VWA1: variants seen among roughly 807,000 people sequenced by gnomAD.
VWA1 encodes the protein von Willebrand factor A domain containing 1.
In VWA1, 12 loss-of-function variants were observed where a neutral mutation model predicts 14.9. The observed-to-expected ratio is 0.80, with a 90% CI of 0.52 to 1.30. The LOEUF is 1.30. Ranked by LOEUF, VWA1 falls within the 50% of genes most tolerant of loss-of-function variation. The pLI is 0.00. For synonymous variants in VWA1, 368 were observed against 310.7 expected (o/e 1.18, Z -1.94); for missense variants, 800 against 649.1 (o/e 1.23, Z -2.53).
Position 1,437,345 on chromosome 1 carries a change from C to T in VWA1, c.492C>T (p.Thr164=), listed in dbSNP as rs539551326. ...PMQELKDLGV[T]VFIVSTGRGN... ...AGGAGCTCAAGGACCTGGGCGTCAC[C>T]GTGTTCATTGTCAGCACCGGCCGAG... Residue 164 remains threonine, a synonymous_variant, in exon 2 of 3, where the codon ACC becomes ACT. Coordinates refer to ENST00000476993, the MANE Select transcript of VWA1 (RefSeq NM_022834.5). 85 of 1,612,636 alleles carry T rather than the reference C, an allele frequency of 5.3e-5. No homozygotes were observed. Among genetic ancestry groups the T allele is most frequent in the South Asian group, 8.8e-5 (8 of 91,018 alleles).
chr1:1,439,921 C>T lies in VWA1; in HGVS notation c.*134C>T, dbSNP rs530350753. The T allele has an allele frequency of 2.0e-6, 2 of 987,722 alleles. No individual in the cohort carries two copies. The highest frequency in any genetic ancestry group is 2.4e-6 in the Non-Finnish European group (2 of 821,692). The allele number at this position is 987,722 out of a possible 1,614,324, so 61.2% of individuals were successfully genotyped here. On this transcript the variant is annotated 3_prime_UTR_variant, in exon 3 of 3. Coordinates refer to ENST00000476993, the MANE Select transcript of VWA1 (RefSeq NM_022834.5). ...TCCCCACGCGGACTCCGCGCGACCC[C>T]GGCCCTCTCCCTGCGGCCGCAGGGC...
chr1:1,442,510 G>A lies in VWA1; in HGVS notation c.*2723G>A, dbSNP rs1177957731. On this transcript the variant is annotated 3_prime_UTR_variant, in exon 3 of 3. Transcript: ENST00000476993. ...CAGTTTCCACCCTCTCTGTGAGCAG[G>A]GCTGCGGTCACCTCCCACATCTGAA... 2 of 152,360 alleles carry A rather than the reference G, an allele frequency of 1.3e-5. No individual in the cohort carries two copies. Among genetic ancestry groups the A allele is most frequent in the Non-Finnish European group, 2.9e-5 (2 of 68,136 alleles). 9.4% of individuals were successfully genotyped at this position (152,360 alleles called of 1,614,324 possible).
chr1:1,436,361 A>G (rs888576758), intron 1 of VWA1, among the ~76,000 whole-genome samples: 27 of 147,774 alleles, frequency 1.8e-4, no homozygotes, highest in Admixed American at 8.2e-4. Flanking sequence ...TTGTTGTGTG[A>G]GTCCAGGTGG....
chr1:1,435,900 T>G, intron 1 of VWA1, 79 bp downstream of exon 1: 3 of 427,244 alleles, frequency 7.0e-6, no homozygotes, highest in Non-Finnish European at 9.3e-6. Context: ...AGGCCGTCGC[T>G]GTCCCCTGCT....
At chr1:1,436,802 C>T in intron 1 of VWA1, 125 bp from the exon 2 acceptor site, 7 of 1,000,892 alleles carry the variant, frequency 7.0e-6, no homozygotes, top group East Asian at 2.6e-5. Flanking sequence ...TTTCCCCCAA[C>T]CTAGGACCTT....
Position 1,437,578 on chromosome 1 carries a change from A to T in VWA1, c.631+94A>T, listed in dbSNP as rs1638574765. 7 of 1,469,284 alleles carry T rather than the reference A, an allele frequency of 4.8e-6. No homozygotes were observed. The East Asian group carries it at 6.9e-5, about 14-fold the overall frequency. The allele number at this position is 1,469,284 out of a possible 1,614,324, so 91.0% of individuals were successfully genotyped here. A position where few individuals can be genotyped will look rare whatever the true frequency, so the allele number is the denominator to read the frequency against. On this transcript the variant is annotated intron_variant, in intron 2 of 2. Transcript: ENST00000476993. ...CTTTGGGAAGATCTCATGTCCCCAG[A>T]GCAGCGGCCAGGGCCTCCGGGGCTG...
At position 1,439,660 on chromosome 1, in the gene VWA1, C is replaced by A; in HGVS notation, c.1211C>A (p.Thr404Asn). ...APGTAYLVTV[T>N]AAFRSGRESA... is the part of the protein sequence containing the mutation. ...GGCACCGCCTACCTGGTGACCGTGA[C>A]CGCCGCCTTCCGCTCGGGCCGCGAG... The change falls in exon 3 of 3, where the codon ACC becomes AAC. Residue 404 changes from threonine (T) to asparagine (N), a missense_variant. By Grantham distance (65) the Thr-to-Asn change is moderately conservative. Transcript: ENST00000476993. 1.5e-6 allele frequency: 2 copies of A among 1,317,092 alleles called. No homozygotes were observed. Among genetic ancestry groups the A allele is most frequent in the South Asian group, 1.5e-5 (1 of 67,278 alleles). The allele number at this position is 1,317,092 out of a possible 1,614,324, so 81.6% of individuals were successfully genotyped here.
rs1187081539 is a variant in VWA1, at chr1:1,439,681, G to A, written c.1232G>A (p.Arg411His). 1.6e-6 allele frequency: 2 copies of A among 1,288,280 alleles called. No individual in the cohort carries two copies. The highest frequency in any genetic ancestry group is 1.6e-5 in the South Asian group (1 of 63,770). 79.8% of individuals were successfully genotyped at this position (1,288,280 alleles called of 1,614,324 possible). The change falls in exon 3 of 3, where the codon CGC becomes CAC. Residue 411 changes from arginine (R) to histidine (H), a missense_variant. By Grantham distance (29) the Arg-to-His change is conservative. Coordinates refer to ENST00000476993, the MANE Select transcript of VWA1 (RefSeq NM_022834.5). ...GTGACCGCCGCCTTCCGCTCGGGCC[G>A]CGAGAGCGCGCTGTCCGCCAAGGCC... ...VTVTAAFRSGRESALSAKACT... is the reference protein window; with the variant it reads ...VTVTAAFRSGHESALSAKACT...
Position 1,439,883 on chromosome 1 carries a change from C to A in VWA1, c.*96C>A, listed in dbSNP as rs1011826842. 4 of 1,025,426 alleles carry A rather than the reference C, an allele frequency of 3.9e-6. No homozygotes were observed. The highest frequency in any genetic ancestry group is 3.5e-5 in the African/African-American group (2 of 57,686). The allele number at this position is 1,025,426 out of a possible 1,614,324, so 63.5% of individuals were successfully genotyped here. Reference sequence around the variant, plus strand: ...AGGCGCCCAACCCGGCAGACGGGTGCAGGCCCGGCCTTTCCCCACGCGGAC... The same window carrying A: ...AGGCGCCCAACCCGGCAGACGGGTGAAGGCCCGGCCTTTCCCCACGCGGAC... On this transcript the variant is annotated 3_prime_UTR_variant, in exon 3 of 3. Coordinates refer to ENST00000476993, the MANE Select transcript of VWA1 (RefSeq NM_022834.5).
rs1455025494 is a variant in VWA1, at chr1:1,439,366, C to T, written c.917C>T (p.Ala306Val). The change falls in exon 3 of 3, where the codon GCA (alanine) becomes GTA (valine). Residue 306 changes from alanine (A) to valine (V), a missense_variant. Coordinates refer to ENST00000476993, the MANE Select transcript of VWA1 (RefSeq NM_022834.5). ...ILRVRTRPGE[A>V]GPGASGPESG... Reference sequence around the variant, plus strand: ...CGGGTGCGCACGCGGCCCGGTGAGGCAGGGCCGGGGGCTTCGGGCCCGGAG... The same window carrying T: ...CGGGTGCGCACGCGGCCCGGTGAGGTAGGGCCGGGGGCTTCGGGCCCGGAG... 6.5e-7 allele frequency: 1 copy of T among 1,533,052 alleles called. No homozygotes were observed. The highest frequency in any genetic ancestry group is 8.7e-7 in the Non-Finnish European group (1 of 1,145,796). The allele number at this position is 1,533,052 out of a possible 1,614,324, so 95.0% of individuals were successfully genotyped here.
chr1:1,439,634 G>T lies in VWA1; in HGVS notation c.1185G>T (p.Pro395=), dbSNP rs1296813680. ...GCACCACGCTGCAGGGCCTGGCGCC[G>T]GGCACCGCCTACCTGGTGACCGTGA... ...RNCTTLQGLA[P]GTAYLVTVTA... Residue 395 remains proline (P), a synonymous_variant, in exon 3 of 3, where the codon CCG becomes CCT. Coordinates refer to ENST00000476993, the MANE Select transcript of VWA1 (RefSeq NM_022834.5). 2 of 1,314,934 alleles carry T rather than the reference G, an allele frequency of 1.5e-6. No individual in the cohort carries two copies. The highest frequency in any genetic ancestry group is 1.6e-5 in the African/African-American group (1 of 62,228). The allele number at this position is 1,314,934 out of a possible 1,614,324, so 81.5% of individuals were successfully genotyped here.
Position 1,436,062 on chromosome 1 carries a change from G to GGATC in VWA1, c.73+243_73+246dup, listed in dbSNP as rs767645010. Among the ~76,000 whole-genome samples, 112 of 140,162 alleles carry GGATC rather than the reference G, an allele frequency of 8.0e-4. 1 individual carries two copies. Among genetic ancestry groups the GGATC allele is most frequent in the Non-Finnish European group, 1.4e-3 (90 of 66,586 alleles). 92.0% of individuals were successfully genotyped at this position (140,162 alleles called of 152,430 possible). A position where few individuals can be genotyped will look rare whatever the true frequency, so the allele number is the denominator to read the frequency against. ...GGCCGTCCCGGCCCGCATCTCTGCG[G>GGATC]GATCGCGGGCCTGGACAGGAAGAGG... On this transcript the variant is annotated intron_variant, in intron 1 of 2. Coordinates refer to ENST00000476993, the MANE Select transcript of VWA1 (RefSeq NM_022834.5).
At chr1:1,435,956 C>A in intron 1 of VWA1, 135 bp downstream of exon 1, 1 of 662,574 alleles carries the variant, frequency 1.5e-6, no homozygotes, top group Non-Finnish European at 1.9e-6. Flanking sequence ...CGGGCGGGGG[C>A]GCGGGCGGAG....
At position 1,437,336 on chromosome 1, in the gene VWA1, G is replaced by C; in HGVS notation, c.483G>C (p.Leu161=). The change falls in exon 2 of 3, where the codon CTG becomes CTC. Residue 161 remains leucine, a synonymous_variant. Transcript: ENST00000476993. ...VGPPMQELKD[L]GVTVFIVSTG... ...CCCCCATGCAGGAGCTCAAGGACCT[G>C]GGCGTCACCGTGTTCATTGTCAGCA... The C allele has an allele frequency of 6.2e-7, 1 of 1,612,418 alleles. No individual in the cohort carries two copies. Among genetic ancestry groups the C allele is most frequent in the Non-Finnish European group, 8.5e-7 (1 of 1,179,838 alleles).
At chr1:1,438,490 G>C (rs561957988) in intron 2 of VWA1, among the ~76,000 whole-genome samples, 161 of 152,284 alleles carry the variant, frequency 1.1e-3, no homozygotes, top group Non-Finnish European at 1.9e-3. Flanking sequence ...TTAACCCAGC[G>C]CAGACATTTA....
chr1:1,435,730 GC>G lies in VWA1; in HGVS notation c.-15del, dbSNP rs1474553530. ...AGCGAGCGAGCGAGTTGCCGAGCGCGCCCCGTCCCTCGCGCGCGATGCTCCC... is the reference window on the plus strand; with the variant it reads ...AGCGAGCGAGCGAGTTGCCGAGCGCGCCCGTCCCTCGCGCGCGATGCTCCC... On this transcript the variant is annotated 5_prime_UTR_variant, in exon 1 of 3. Coordinates refer to ENST00000476993, the MANE Select transcript of VWA1 (RefSeq NM_022834.5). The G allele has an allele frequency of 8.3e-7, 1 of 1,200,898 alleles. No homozygotes were observed. The highest frequency in any genetic ancestry group is 1.0e-6 in the Non-Finnish European group (1 of 961,704). 74.4% of individuals were successfully genotyped at this position (1,200,898 alleles called of 1,614,324 possible).
intron 1 of VWA1, 85 bp downstream of exon 1, chr1:1,435,906 C>T (rs1229007966): frequency 3.6e-5 from 14 of 393,740 alleles, no homozygotes; most frequent in Non-Finnish European, 4.8e-5. Flanking sequence ...TCGCTGTCCC[C>T]TGCTCCGGAC....
intron 1 of VWA1, among the ~76,000 whole-genome samples, chr1:1,436,264 G>T (rs925233913): frequency 1.4e-4 from 21 of 152,180 alleles, no homozygotes; most frequent in African/African-American, 4.8e-4. Flanking sequence ...GGTGTAGGGG[G>T]CATCAGCCTC....
chr1:1,439,477 C>T lies in VWA1; in HGVS notation c.1028C>T (p.Ala343Val). ...CCAGAGCGCATCGTCATCTCCCACGCCCGGCCGCGCAGCCTCCGCGTGAGT... is the reference window on the plus strand; with the variant it reads ...CCAGAGCGCATCGTCATCTCCCACGTCCGGCCGCGCAGCCTCCGCGTGAGT... ...AGPERIVISH[A>V]RPRSLRVSWA... The change falls in exon 3 of 3, where the codon GCC (alanine) becomes GTC (valine). Residue 343 changes from alanine (A) to valine (V), a missense_variant. By Grantham distance (64) the Ala-to-Val change is moderately conservative. Transcript: ENST00000476993. The T allele has an allele frequency of 1.4e-6, 2 of 1,421,150 alleles. No individual in the cohort carries two copies. Among genetic ancestry groups the T allele is most frequent in the Non-Finnish European group, 9.1e-7 (1 of 1,094,140 alleles). The allele number at this position is 1,421,150 out of a possible 1,614,324, so 88.0% of individuals were successfully genotyped here.
Sources: gnomAD v4.1 joint callset for allele counts (sites outside exome capture counted in the v4.1 genomes callset) on GRCh38, gnomAD v4.1.1 for gene constraint, MANE v1.5 for transcripts, NCBI Gene and HGNC (gene_info 2026-07-23, HGNC 2026-07-21) for gene names.